MROH1: variants seen among roughly 807,000 people sequenced by gnomAD.
The protein encoded by MROH1 is maestro heat-like repeat-containing protein family member 1.
Under a neutral mutation model 116.5 loss-of-function variants are expected in MROH1, and 117 were observed. The ratio of observed to expected loss-of-function variants is 1.00; its 90% CI spans 0.86 to 1.17. The LOEUF (loss-of-function observed/expected upper bound fraction) is 1.17, where lower values mean the gene tolerates loss of function less well. Among genes scored for constraint, MROH1 ranks in the 50% most tolerant of loss-of-function variants. MROH1 has a pLI of 0.00. For synonymous variants in MROH1, 921 were observed against 583.9 expected (o/e 1.58, Z -8.32); for missense variants, 1,873 against 1,338.5 (o/e 1.40, Z -6.23).
chr8:144,182,566 G>A lies in MROH1; in HGVS notation c.562+2043G>A, dbSNP rs144603198. Among the ~76,000 whole-genome samples, 1,929 of 152,238 alleles carry A rather than the reference G, an allele frequency of 0.013. 17 individuals are homozygous for A. The highest frequency in any genetic ancestry group is 0.023 in the South Asian group (110 of 4,828). On this transcript the variant is annotated intron_variant, in intron 7 of 43. Transcript: ENST00000326134. This position sits in a 1 kb window ranked among gnomAD's most constrained non-coding sequence, Gnocchi z 4.1. ...TGAGAGAATAAAACTGACCTTCTGT[G>A]AATTAAAGATGCCATAATAGAAATG...
chr8:144,254,853 C>T lies in MROH1; in HGVS notation c.3469C>T (p.Arg1157Cys), dbSNP rs948336558. ...GTGGCGGGCGCTGGCGGTGGAGCCT[C>T]GCCTAGCTGCCCAGGTCCTGGGGCT... ...MLWRALAVEP[R>C]LAAQVLGLLL... The change falls in exon 34 of 44, where the codon CGC (arginine) becomes TGC (cysteine). Residue 1157 changes from arginine to cysteine, a missense_variant. By Grantham distance (180) the Arg-to-Cys change is radical. Coordinates refer to ENST00000326134, the MANE Select transcript of MROH1 (RefSeq NM_032450.3). 7.2e-5 allele frequency: 56 copies of T among 777,620 alleles called. No homozygotes were observed. Among genetic ancestry groups the T allele is most frequent in the African/African-American group, 1.4e-4 (8 of 59,202 alleles). 48.2% of individuals were successfully genotyped at this position (777,620 alleles called of 1,614,324 possible). A position where few individuals can be genotyped will look rare whatever the true frequency, so the allele number is the denominator to read the frequency against.
intron 14 of MROH1, among the ~76,000 whole-genome samples, chr8:144,238,267 G>A (rs1367847066): frequency 2.0e-5 from 3 of 151,782 alleles, no homozygotes; most frequent in Non-Finnish European, 4.4e-5. Context: ...TTGTGGTTGA[G>A]CTTTTACTTT....
chr8:144,210,455 G>T (rs1833859422), intron 12 of MROH1, among the ~76,000 whole-genome samples: 1 of 152,102 alleles, frequency 6.6e-6, no homozygotes, highest in African/African-American at 2.4e-5. Flanking sequence ...ACTTTGGGAG[G>T]CCAAGGCAGG....
intron 4 of MROH1, among the ~76,000 whole-genome samples, chr8:144,176,983 C>T (rs189796305): frequency 1.4e-4 from 22 of 152,234 alleles, no homozygotes; most frequent in Middle Eastern, 6.8e-3. Context: ...TGCCTCACTG[C>T]GGCGCCAACA....
intron 21 of MROH1, 82 bp from the exon 22 acceptor site, chr8:144,241,313 C>T: frequency 2.8e-6 from 2 of 710,928 alleles, no homozygotes; most frequent in Non-Finnish European, 5.2e-6. Flanking sequence ...TGTGGGTGTG[C>T]CCGTGTCCAC....
At chr8:144,238,322 G>A (rs897995809) in intron 14 of MROH1, among the ~76,000 whole-genome samples, 4 of 152,242 alleles carry the variant, frequency 2.6e-5, no homozygotes, top group Admixed American at 6.5e-5. Context: ...AACAGAAGTC[G>A]TCTGCTTACA....
In MROH1 at chr8:144,242,450, G is replaced by C; in HGVS notation, c.2260G>C (p.Glu754Gln). The C allele has an allele frequency of 1.3e-6, 1 of 780,696 alleles. No homozygotes were observed. Among genetic ancestry groups the C allele is most frequent in the Non-Finnish European group, 2.4e-6 (1 of 417,824 alleles). 48.4% of individuals were successfully genotyped at this position (780,696 alleles called of 1,614,324 possible). Residue 754 changes from glutamate (E) to glutamine (Q), a missense_variant, in exon 23 of 44, where the codon GAG becomes CAG. Physicochemically the swap from Glu to Gln is conservative, Grantham distance 29 (BLOSUM62 2). Transcript: ENST00000326134. ...YGHVAARAPR[E>Q]LVLAKVESDI... is the part of the protein sequence containing the mutation. ...GCACGTGGCGGCCCGGGCCCCCCGG[G>C]AGCTGGTGCTGGCCAAGGTAGAGTC...
At chr8:144,185,187 T>G (rs946145609) in intron 7 of MROH1, among the ~76,000 whole-genome samples, 1 of 152,152 alleles carries the variant, frequency 6.6e-6, no homozygotes, top group Non-Finnish European at 1.5e-5. Context: ...ACTGGAATCC[T>G]CGTGCTGTGC....
chr8:144,201,731 C>T (rs1490304065), intron 12 of MROH1, among the ~76,000 whole-genome samples: 1 of 152,090 alleles, frequency 6.6e-6, no homozygotes, highest in East Asian at 1.9e-4. Flanking sequence ...AGCAGCAGGG[C>T]CGGCCGGGCA....
At chr8:144,249,527 T>C (rs1223601852) in intron 32 of MROH1, among the ~76,000 whole-genome samples, 1 of 152,040 alleles carries the variant, frequency 6.6e-6, no homozygotes, top group Non-Finnish European at 1.5e-5. Context: ...CCAATACCCA[T>C]CATGAGCAGG....
chr8:144,252,542 C>T (rs1843003272), intron 33 of MROH1: 1 of 152,192 alleles, frequency 6.6e-6, no homozygotes, highest in Admixed American at 6.5e-5. Context: ...GTGGCAGGCG[C>T]CTGTAGTCCC....
chr8:144,243,982 TGTGTGCGTGC>T, intron 26 of MROH1, 40 bp downstream of exon 26: 6 of 770,810 alleles, frequency 7.8e-6, no homozygotes, highest in Non-Finnish European at 1.5e-5. Flanking sequence ...TGCAGCTGCG[TGTGTGCGTGC>T]ATGTGTGTGC....
intron 12 of MROH1, among the ~76,000 whole-genome samples, chr8:144,219,463 C>T (rs1035237239): frequency 2.0e-5 from 3 of 152,182 alleles, no homozygotes; most frequent in Non-Finnish European, 2.9e-5. Context: ...TAACCCCTTA[C>T]ATCTTTTCTT....
chr8:144,187,710 G>T (rs111920759), intron 7 of MROH1, among the ~76,000 whole-genome samples: 44 of 152,308 alleles, frequency 2.9e-4, no homozygotes, highest in African/African-American at 9.1e-4. Context: ...TTGGGTTTGC[G>T]CCTGGAGGTG....
chr8:144,151,428 C>G lies in MROH1; in HGVS notation c.-177+3352C>G, dbSNP rs1011325149. Among the ~76,000 whole-genome samples, 3 of 152,236 alleles carry G rather than the reference C, an allele frequency of 2.0e-5. No homozygotes were observed. In the South Asian group the frequency reaches 6.2e-4, roughly 32 times the overall value. On this transcript the variant is annotated intron_variant, in intron 1 of 43. Transcript: ENST00000326134. ...AGCACTCTGGCAGGCCATCGACTGG[C>G]TGGACAAGGTGGAGTTTGGCCAGGG...
intron 7 of MROH1, among the ~76,000 whole-genome samples, chr8:144,190,031 G>A (rs1390092852): frequency 6.6e-6 from 1 of 152,160 alleles, no homozygotes; most frequent in Non-Finnish European, 1.5e-5. Flanking sequence ...TCCTTCTTGG[G>A]AGCCCAGAGA....
At chr8:144,162,243 C>T (rs1249593245) in intron 2 of MROH1, among the ~76,000 whole-genome samples, 2 of 151,636 alleles carry the variant, frequency 1.3e-5, no homozygotes, top group African/African-American at 4.9e-5. Context: ...CGCCACCACA[C>T]CCAGCTAATT....
intron 32 of MROH1, 22 bp downstream of exon 32, chr8:144,249,051 G>T: frequency 1.4e-6 from 1 of 697,836 alleles, no homozygotes; most frequent in South Asian, 1.5e-5. Context: ...CGGGGCGCGG[G>T]GGGTGCTCCA....
At chr8:144,251,259 C>T (rs1224980278) in intron 33 of MROH1, 1 of 153,218 alleles carries the variant, frequency 6.5e-6, no homozygotes, top group Non-Finnish European at 1.5e-5. Flanking sequence ...CAGAGGTGCA[C>T]TTGTCTGGTG....
Sources: gnomAD v4.1 joint callset for allele counts (sites outside exome capture counted in the v4.1 genomes callset) on GRCh38, gnomAD v4.1.1 for gene constraint, Gnocchi (gnomAD v3.1) non-coding constraint, MANE v1.5 for transcripts, NCBI Gene and HGNC (gene_info 2026-07-23, HGNC 2026-07-21) for gene names.